GRM7: variants seen among roughly 807,000 people sequenced by gnomAD.
GRM7 encodes glutamate metabotropic receptor 7.
GRM7 carries 35 observed loss-of-function variants against 84.5 expected under a neutral mutation model. The observed-to-expected ratio is 0.41, with a 90% confidence interval of 0.32 to 0.55. The LOEUF (loss-of-function observed/expected upper bound fraction) is 0.55. Among genes scored for constraint, GRM7 ranks in the 20% least tolerant of loss-of-function variants. GRM7 has a pLI of 0.19. For synonymous variants in GRM7, 487 were observed against 455.1 expected (o/e 1.07, Z -0.89); for missense variants, 1,003 against 1,194.6 (o/e 0.84, Z 2.36).
rs544086465 is a variant in GRM7 at position 6,880,945 on chromosome 3, A to T, written c.519+19038A>T. Among the ~76,000 whole-genome samples, 3 of 152,214 alleles carry T rather than the reference A, an allele frequency of 2.0e-5. No homozygotes were observed. In the South Asian group the frequency reaches 6.2e-4, roughly 32 times the overall value. On this transcript the variant is annotated intron_variant, in intron 1 of 9. Coordinates refer to ENST00000357716, the MANE Select transcript of GRM7 (RefSeq NM_000844.4). ...CAGTATGTTATTATAATTTATTATAAGTTTATCTCTCAGTTACTCTGTAGT... is the reference window on the plus strand; with the variant it reads ...CAGTATGTTATTATAATTTATTATATGTTTATCTCTCAGTTACTCTGTAGT...
chr3:7,290,014 TAAAATA>T (rs953205276), intron 2 of GRM7, among the ~76,000 whole-genome samples: 10 of 151,026 alleles, frequency 6.6e-5, no homozygotes, highest in South Asian at 2.1e-4. Flanking sequence ...TAATAAAAAA[TAAAATA>T]AAAATAAAAA....
chr3:7,005,218 C>G (rs1486628439), intron 1 of GRM7, among the ~76,000 whole-genome samples: 1 of 152,168 alleles, frequency 6.6e-6, no homozygotes, highest in Non-Finnish European at 1.5e-5. Flanking sequence ...TCAGTAGTTC[C>G]TCTCAGGGCT....
At chr3:6,951,890 A>G (rs1336518936) in intron 1 of GRM7, among the ~76,000 whole-genome samples, 1 of 152,134 alleles carries the variant, frequency 6.6e-6, no homozygotes, top group African/African-American at 2.4e-5. Context: ...TTGCCTAGAG[A>G]TTGAGAACTA....
rs372232740 is a variant in GRM7 at position 7,680,040 on chromosome 3, G to A, written c.2452-9G>A. The A allele has an allele frequency of 3.1e-6, 5 of 1,613,596 alleles. No individual in the cohort carries two copies. Among genetic ancestry groups the A allele is most frequent in the Non-Finnish European group, 4.2e-6 (5 of 1,179,692 alleles). On this transcript the variant is annotated splice_polypyrimidine_tract_variant and intron_variant, in intron 8 of 9. Transcript: ENST00000357716. Reference sequence around the variant, plus strand: ...TTTGTAATAGTGCCTTGTGTGTTGTGTCTCCTAGCTCTACATACAAACTAC... The same window carrying A: ...TTTGTAATAGTGCCTTGTGTGTTGTATCTCCTAGCTCTACATACAAACTAC...
intron 4 of GRM7, among the ~76,000 whole-genome samples, chr3:7,344,144 G>A (rs1437487912): frequency 1.3e-5 from 2 of 151,728 alleles, no homozygotes; most frequent in Admixed American, 1.3e-4. Context: ...TATTACATAG[G>A]TAAACTTGTG....
chr3:7,266,567 C>T (rs1237292456), intron 2 of GRM7, among the ~76,000 whole-genome samples: 1 of 152,088 alleles, frequency 6.6e-6, no homozygotes, highest in African/African-American at 2.4e-5. Flanking sequence ...TATCACTCAC[C>T]CTTGAAAACC....
intron 2 of GRM7, among the ~76,000 whole-genome samples, chr3:7,244,772 A>C (rs1218552174): frequency 6.6e-6 from 1 of 152,102 alleles, no homozygotes; most frequent in Non-Finnish European, 1.5e-5. Context: ...TAGATAATCA[A>C]AAAATATCCA....
At chr3:7,447,497 C>T (rs746582126) in intron 5 of GRM7, among the ~76,000 whole-genome samples, 44 of 151,980 alleles carry the variant, frequency 2.9e-4, no homozygotes, top group Admixed American at 6.6e-5. Context: ...CTCGGAAGAC[C>T]ATGTGGAGGG....
intron 4 of GRM7, among the ~76,000 whole-genome samples, chr3:7,358,856 G>A (rs964249165): frequency 1.3e-5 from 2 of 152,020 alleles, no homozygotes; most frequent in Middle Eastern, 3.2e-3. Flanking sequence ...AGTGGCTCAC[G>A]CCTATAATCC....
chr3:7,082,449 C>T (rs1174324483), intron 1 of GRM7, among the ~76,000 whole-genome samples: 1 of 152,090 alleles, frequency 6.6e-6, no homozygotes, highest in African/African-American at 2.4e-5. Context: ...TGACAATGCA[C>T]TTGTTACCCA....
intron 7 of GRM7, among the ~76,000 whole-genome samples, chr3:7,487,517 T>C (rs1352502134): frequency 6.6e-6 from 1 of 152,160 alleles, no homozygotes; most frequent in African/African-American, 2.4e-5. Flanking sequence ...GGACCACCTC[T>C]AGTTGCTGCT....
At chr3:7,568,177 G>A (rs1305878505) in intron 7 of GRM7, among the ~76,000 whole-genome samples, 1 of 152,138 alleles carries the variant, frequency 6.6e-6, no homozygotes, top group East Asian at 1.9e-4. Context: ...TTCCATGCTT[G>A]GGAACTGGGG....
chr3:6,986,079 T>C (rs557681136), intron 1 of GRM7, among the ~76,000 whole-genome samples: 3 of 152,298 alleles, frequency 2.0e-5, no homozygotes, highest in African/African-American at 7.2e-5. Flanking sequence ...GAAGTTTCGG[T>C]AATACAGGAC....
chr3:7,243,017 G>A (rs1697618212), intron 2 of GRM7, among the ~76,000 whole-genome samples: 1 of 152,090 alleles, frequency 6.6e-6, no homozygotes, highest in Admixed American at 6.6e-5. Context: ...GAAATATTCA[G>A]TGGTGTGCTG....
chr3:7,361,616 C>G (rs1044320003), intron 4 of GRM7, among the ~76,000 whole-genome samples: 1 of 152,028 alleles, frequency 6.6e-6, no homozygotes, highest in African/African-American at 2.4e-5. Context: ...AAGTTGGAGC[C>G]ACTTCAGGAA....
At chr3:7,237,861 T>C (rs1402618114) in intron 2 of GRM7, among the ~76,000 whole-genome samples, 1 of 152,170 alleles carries the variant, frequency 6.6e-6, no homozygotes, top group Non-Finnish European at 1.5e-5. Context: ...AGAGTGCTGA[T>C]TGGTGCGTTT....
chr3:7,492,448 A>G (rs1052088859), intron 7 of GRM7, among the ~76,000 whole-genome samples: 10 of 152,076 alleles, frequency 6.6e-5, no homozygotes, highest in African/African-American at 2.4e-4. Flanking sequence ...TATGGCTTTC[A>G]GGGAATTGGT....
intron 7 of GRM7, among the ~76,000 whole-genome samples, chr3:7,554,360 C>T (rs937273671): frequency 1.3e-5 from 2 of 152,148 alleles, no homozygotes; most frequent in Admixed American, 6.6e-5. Context: ...TAACAAATAT[C>T]GCTACACGGG....
chr3:6,974,198 C>T (rs987643497), intron 1 of GRM7, among the ~76,000 whole-genome samples: 1 of 152,068 alleles, frequency 6.6e-6, no homozygotes, highest in Non-Finnish European at 1.5e-5. Context: ...AAGCCACTGG[C>T]ATATATGGAA....
Sources: gnomAD v4.1 joint callset for allele counts (sites outside exome capture counted in the v4.1 genomes callset) on GRCh38, gnomAD v4.1.1 for gene constraint, MANE v1.5 for transcripts, NCBI Gene and HGNC (gene_info 2026-07-23, HGNC 2026-07-21) for gene names.